WDR7: variants seen among roughly 807,000 people sequenced by gnomAD.
WDR7 encodes the protein WD repeat domain 7, also known as WD repeat-containing protein 7.
Under a neutral mutation model 169.4 loss-of-function variants are expected in WDR7, and 46 were observed. That is an observed-to-expected ratio of 0.27 (90% confidence interval 0.21 to 0.35). The LOEUF (loss-of-function observed/expected upper bound fraction) is 0.35. Ranked by LOEUF, WDR7 falls within the 10% of genes least tolerant of loss-of-function variation. The pLI is 1.00. For synonymous variants in WDR7, 612 were observed against 666.8 expected (o/e 0.92, Z 1.27); for missense variants, 1,534 against 1,859.3 (o/e 0.83, Z 3.22).
chr18:56,691,011 G>T (rs981264364), intron 7 of WDR7, among the ~76,000 whole-genome samples: 7 of 152,164 alleles, frequency 4.6e-5, no homozygotes, highest in Non-Finnish European at 8.8e-5. Flanking sequence ...TCCACAGGGA[G>T]GTTACCCATA....
intron 1 of WDR7, among the ~76,000 whole-genome samples, chr18:56,662,172 C>G (rs1185594472): frequency 1.3e-5 from 2 of 152,184 alleles, no homozygotes; most frequent in Non-Finnish European, 2.9e-5. Flanking sequence ...TTGTTTTTGT[C>G]TGCAAGTCAC....
intron 20 of WDR7, among the ~76,000 whole-genome samples, chr18:56,847,255 A>G (rs2045581466): frequency 3.3e-5 from 5 of 152,146 alleles, no homozygotes; most frequent in Admixed American, 3.3e-4. Flanking sequence ...GGCCCTGTGG[A>G]AGTTTGAACT....
At chr18:56,971,995 C>A (rs1159397024) in intron 26 of WDR7, among the ~76,000 whole-genome samples, 1 of 152,038 alleles carries the variant, frequency 6.6e-6, no homozygotes, top group Non-Finnish European at 1.5e-5. Flanking sequence ...ATAGTATTAG[C>A]AAAATATTAA....
intron 22 of WDR7, among the ~76,000 whole-genome samples, chr18:56,935,035 G>A (rs567937776): frequency 2.0e-5 from 3 of 152,152 alleles, no homozygotes; most frequent in Admixed American, 6.5e-5. Flanking sequence ...TAGTAGAGGT[G>A]GGGAGTGAAT....
intron 14 of WDR7, among the ~76,000 whole-genome samples, chr18:56,753,825 C>T (rs1333897036): frequency 2.0e-5 from 3 of 151,942 alleles, no homozygotes; most frequent in African/African-American, 7.3e-5. Flanking sequence ...TTTGTTAAAG[C>T]TCGGAAGGTA....
At chr18:56,833,005 G>A (rs941442310) in intron 20 of WDR7, among the ~76,000 whole-genome samples, 1 of 152,072 alleles carries the variant, frequency 6.6e-6, no homozygotes, top group Admixed American at 6.5e-5. Context: ...AGAGACAGAA[G>A]TAGGCTTCAG....
At chr18:56,834,554 C>T (rs1363202823) in intron 20 of WDR7, among the ~76,000 whole-genome samples, 1 of 151,720 alleles carries the variant, frequency 6.6e-6, no homozygotes, top group Non-Finnish European at 1.5e-5. Flanking sequence ...ATTTCTAGAC[C>T]CTTCTCTCTT....
intron 18 of WDR7, 114 bp from the exon 19 acceptor site, chr18:56,781,419 A>G: frequency 1.7e-6 from 2 of 1,165,822 alleles, no homozygotes; most frequent in Non-Finnish European, 2.2e-6. Flanking sequence ...TCATGTAAAT[A>G]AATATGGTTT....
chr18:56,773,057 G>A (rs1376671273), intron 16 of WDR7, among the ~76,000 whole-genome samples: 1 of 152,048 alleles, frequency 6.6e-6, no homozygotes, highest in East Asian at 1.9e-4. Context: ...CCTTTATGTT[G>A]CATGAGCTGC....
chr18:56,672,512 C>T lies in WDR7; in HGVS notation c.-4C>T. 6.5e-7 allele frequency: 1 copy of T among 1,537,738 alleles called. No homozygotes were observed. On this transcript the variant is annotated 5_prime_UTR_variant, in exon 2 of 28. Transcript: ENST00000254442. ...ACATTTTCAGGTTTGAAAACACAAA[C>T]ACAATGGCAGGAAACAGCCTTGTTC...
rs947762920 is a variant in WDR7 at position 56,850,562 on chromosome 18, T to C, written c.3305-29382T>C. Among the ~76,000 whole-genome samples the C allele has an allele frequency of 2.4e-4, 36 of 152,314 alleles. No homozygotes were observed. In the Middle Eastern group the frequency reaches 0.01, roughly 43 times the overall value. On this transcript the variant is annotated intron_variant, in intron 20 of 27. Transcript: ENST00000254442. ...TCTCCCTCTTTTACCCAGGCTAGAG[T>C]ACAGTGGCCTGATCATGGCCCACTG... is the stretch of plus-strand genomic sequence containing the variant.
In WDR7 at chr18:56,665,306, A is replaced by G. The variant is rs67357938; in HGVS notation, c.-19-7191A>G. ...AAAACTCCATCTAAAAAAAAAAAAA[A>G]AAGAAGAAGAAGAAGAACTTGGTGT... is the stretch of plus-strand genomic sequence containing the variant. On this transcript the variant is annotated intron_variant, in intron 1 of 27. Coordinates refer to ENST00000254442, the MANE Select transcript of WDR7 (RefSeq NM_015285.3). 4.7e-3 allele frequency among the ~76,000 whole-genome samples: 633 copies of G among 133,340 alleles called. 6 individuals carry two copies. The highest frequency in any genetic ancestry group is 0.016 in the African/African-American group (570 of 36,620). 87.5% of individuals were successfully genotyped at this position (133,340 alleles called of 152,430 possible). A position where few individuals can be genotyped will look rare whatever the true frequency, so the allele number is the denominator to read the frequency against.
chr18:56,693,754 T>C (rs2025633157), intron 9 of WDR7, among the ~76,000 whole-genome samples: 1 of 151,892 alleles, frequency 6.6e-6, no homozygotes, highest in African/African-American at 2.4e-5. Context: ...GTATTTTTAT[T>C]AGAGACAGGG....
At chr18:56,938,314 G>A (rs139498777) in intron 23 of WDR7, among the ~76,000 whole-genome samples, 49 of 152,162 alleles carry the variant, frequency 3.2e-4, no homozygotes, top group African/African-American at 9.4e-4. Context: ...TTGTATTAAC[G>A]TCTCATATAA....
intron 21 of WDR7, among the ~76,000 whole-genome samples, chr18:56,893,475 G>T (rs1483564427): frequency 1.2e-4 from 18 of 152,144 alleles, no homozygotes; most frequent in Admixed American, 9.8e-4. Context: ...GAAACATTTT[G>T]TGAACTTGTT....
chr18:56,721,802 CACAT>C (rs1024963619), intron 13 of WDR7: 17 of 152,210 alleles, frequency 1.1e-4, no homozygotes, highest in Non-Finnish European at 2.1e-4. Context: ...AAGCCTAAAC[CACAT>C]TCTCATCTGG....
intron 21 of WDR7, among the ~76,000 whole-genome samples, chr18:56,883,122 A>C (rs921179166): frequency 7.4e-5 from 11 of 149,084 alleles, no homozygotes; most frequent in Admixed American, 1.3e-4. Context: ...AGGCAGGAGA[A>C]TGGCGTGAAC....
At chr18:56,816,326 A>G (rs2044970374) in intron 20 of WDR7, among the ~76,000 whole-genome samples, 182 bp downstream of exon 20, 1 of 152,154 alleles carries the variant, frequency 6.6e-6, no homozygotes, top group African/African-American at 2.4e-5. Context: ...AAGAAGTGGA[A>G]CTGTTTCTTT....
chr18:56,690,817 GAAA>G (rs61215067), intron 7 of WDR7, among the ~76,000 whole-genome samples: 41 of 149,734 alleles, frequency 2.7e-4, no homozygotes, highest in South Asian at 1.3e-3. Context: ...TTTGTCTCAA[GAAA>G]AAAAAAAAAA....
Sources: gnomAD v4.1 joint callset for allele counts (sites outside exome capture counted in the v4.1 genomes callset) on GRCh38, gnomAD v4.1.1 for gene constraint, MANE v1.5 for transcripts, NCBI Gene and HGNC (gene_info 2026-07-23, HGNC 2026-07-21) for gene names.